The following CACNA1D variants were observed in gnomAD, a reference collection of about 807,000 sequenced individuals.
CACNA1D encodes voltage-dependent L-type calcium channel subunit alpha-1D.
Under a neutral mutation model 257.1 loss-of-function variants are expected in CACNA1D, and 55 were observed. That is an observed-to-expected ratio of 0.21 (90% CI 0.17 to 0.27). The LOEUF (loss-of-function observed/expected upper bound fraction) is 0.27. Among genes scored for constraint, CACNA1D ranks in the 10% least tolerant of loss-of-function variants. CACNA1D has a pLI of 1.00. For missense variants in CACNA1D, 1,876 were observed against 2,784.0 expected (o/e 0.67, Z 7.34); for synonymous variants, 980 against 1,014.9 (o/e 0.97, Z 0.65).
chr3:53,810,455 G>A (rs2095591317), intron 47 of CACNA1D, 157 bp downstream of exon 47: 1 of 754,640 alleles, frequency 1.3e-6, no homozygotes, highest in Non-Finnish European at 2.3e-6. Context: ...CCTGAAGCAT[G>A]AGTAAAAACT....
intron 23 of CACNA1D, among the ~76,000 whole-genome samples, chr3:53,745,209 T>C (rs2095156254): frequency 6.6e-6 from 1 of 152,046 alleles, no homozygotes; most frequent in African/African-American, 2.4e-5. Context: ...TGGGCCCATG[T>C]GCCAGGCAGC....
At chr3:53,730,899 C>T (rs766569864) in intron 16 of CACNA1D, 178 bp from the exon 17 acceptor site, 10 of 616,598 alleles carry the variant, frequency 1.6e-5, no homozygotes, top group Admixed American at 5.7e-5. Flanking sequence ...ATGAATCCAT[C>T]GCATTGAGAT....
intron 21 of CACNA1D, chr3:53,740,626 G>T: frequency 4.9e-6 from 2 of 405,450 alleles, no homozygotes; most frequent in South Asian, 2.7e-5. Flanking sequence ...TTAAACCGAA[G>T]GATTTTTTTT....
At chr3:53,573,620 T>C (rs969878963) in intron 3 of CACNA1D, among the ~76,000 whole-genome samples, 3 of 152,216 alleles carry the variant, frequency 2.0e-5, no homozygotes, top group African/African-American at 7.2e-5. Flanking sequence ...ATTTTACTTA[T>C]GCCATTTATT....
At chr3:53,626,664 T>C (rs920131960) in intron 3 of CACNA1D, among the ~76,000 whole-genome samples, 2 of 152,196 alleles carry the variant, frequency 1.3e-5, no homozygotes, top group African/African-American at 4.8e-5. Context: ...GTTTCAGCTT[T>C]AGCCACCATC....
chr3:53,790,668 A>T (rs1297529538), intron 40 of CACNA1D, among the ~76,000 whole-genome samples: 1 of 152,154 alleles, frequency 6.6e-6, no homozygotes, highest in Non-Finnish European at 1.5e-5. Context: ...TTGAGGGGAG[A>T]TGTGGGTGGT....
At chr3:53,613,559 TG>T (rs1223477388) in intron 3 of CACNA1D, among the ~76,000 whole-genome samples, 2 of 152,182 alleles carry the variant, frequency 1.3e-5, no homozygotes, top group African/African-American at 4.8e-5. Context: ...TGTGTGTGTG[TG>T]TGTGTATGGA....
At chr3:53,499,214 A>T (rs181139278) in intron 2 of CACNA1D, among the ~76,000 whole-genome samples, 2 of 152,278 alleles carry the variant, frequency 1.3e-5, no homozygotes, top group East Asian at 3.9e-4. Flanking sequence ...TGCCAGACAC[A>T]TGTGTACAGG....
intron 3 of CACNA1D, among the ~76,000 whole-genome samples, chr3:53,570,717 G>A (rs1462510945): frequency 1.3e-5 from 2 of 152,242 alleles, no homozygotes; most frequent in African/African-American, 2.4e-5. Context: ...TAATGCATGA[G>A]CAAAATATTA....
At chr3:53,514,686 C>T (rs1331599113) in intron 3 of CACNA1D, among the ~76,000 whole-genome samples, 1 of 152,076 alleles carries the variant, frequency 6.6e-6, no homozygotes, top group Non-Finnish European at 1.5e-5. Context: ...GTGTCGTTAG[C>T]CTTAGCTGTA....
intron 8 of CACNA1D, among the ~76,000 whole-genome samples, chr3:53,676,339 T>C (rs746802400): frequency 1.3e-5 from 2 of 152,146 alleles, no homozygotes; most frequent in Admixed American, 6.5e-5. Context: ...CCCATTGATA[T>C]TTTTGTTGTT....
At chr3:53,737,160 T>C (rs945818216) in intron 20 of CACNA1D, among the ~76,000 whole-genome samples, 3 of 151,472 alleles carry the variant, frequency 2.0e-5, no homozygotes, top group African/African-American at 7.3e-5. Flanking sequence ...ATTAGCCAGG[T>C]GTGGTGGTGC....
At chr3:53,529,329 A>G (rs950327521) in intron 3 of CACNA1D, among the ~76,000 whole-genome samples, 1 of 152,128 alleles carries the variant, frequency 6.6e-6, no homozygotes, top group African/African-American at 2.4e-5. Context: ...TGTTAAACCA[A>G]TTTTGCATTC....
intron 3 of CACNA1D, among the ~76,000 whole-genome samples, chr3:53,574,299 G>T (rs1179168086): frequency 6.6e-6 from 1 of 152,132 alleles, no homozygotes; most frequent in Non-Finnish European, 1.5e-5. Flanking sequence ...CTCATGGGAT[G>T]GTGTGAAAGG....
At chr3:53,736,725 A>C (rs1193160797) in intron 20 of CACNA1D, among the ~76,000 whole-genome samples, 1 of 151,950 alleles carries the variant, frequency 6.6e-6, no homozygotes, top group Non-Finnish European at 1.5e-5. Flanking sequence ...GACCCCATCT[A>C]TATAAAAATT....
intron 3 of CACNA1D, among the ~76,000 whole-genome samples, chr3:53,531,622 G>A (rs777636336): frequency 6.6e-6 from 1 of 152,138 alleles, no homozygotes; most frequent in Non-Finnish European, 1.5e-5. Flanking sequence ...AGACTGTCTG[G>A]TAAGATTTTT....
chr3:53,701,482 G>T (rs375136310), intron 8 of CACNA1D, among the ~76,000 whole-genome samples: 4 of 152,150 alleles, frequency 2.6e-5, no homozygotes, highest in African/African-American at 9.7e-5. Context: ...GGTTGGGTTG[G>T]GTTGAGTTGG....
intron 3 of CACNA1D, among the ~76,000 whole-genome samples, chr3:53,570,456 A>G (rs954569108): frequency 6.6e-5 from 10 of 152,238 alleles, no homozygotes; most frequent in Non-Finnish European, 8.8e-5. Flanking sequence ...TAGCTATGGA[A>G]AGTAGAGGTG....
intron 4 of CACNA1D, among the ~76,000 whole-genome samples, chr3:53,654,681 A>G (rs2094131496): frequency 6.6e-6 from 1 of 152,178 alleles, no homozygotes; most frequent in African/African-American, 2.4e-5. Context: ...GCCTATGGCT[A>G]TTTGGTATTA....
Sources: allele counts gnomAD v4.1 joint callset (sites outside exome capture counted in the v4.1 genomes callset), GRCh38; gene constraint gnomAD v4.1.1; transcripts MANE v1.5; gene names NCBI Gene and HGNC (gene_info 2026-07-23, HGNC 2026-07-21).